The following METRNL variants were observed in gnomAD, a reference collection of about 807,000 sequenced individuals.
METRNL encodes the protein meteorin-like protein.
A neutral mutation model predicts 17.4 loss-of-function variants in METRNL; 9 were observed. That is an observed-to-expected ratio of 0.52 (90% CI 0.31 to 0.90). The LOEUF (loss-of-function observed/expected upper bound fraction) is 0.90, where lower values mean the gene tolerates loss of function less well. Among genes scored for constraint, METRNL ranks in the 40% least tolerant of loss-of-function variants. The pLI is 0.05. For synonymous variants in METRNL, 215 were observed against 199.3 expected (o/e 1.08, Z -0.66); for missense variants, 408 against 430.7 (o/e 0.95, Z 0.47).
chr17:83,091,351 G>A (rs2038134005), intron 2 of METRNL, among the ~76,000 whole-genome samples: 1 of 152,228 alleles, frequency 6.6e-6, no homozygotes, highest in Non-Finnish European at 1.5e-5. Flanking sequence ...GCCCGGCTGG[G>A]AGGCGCCCTC....
At position 83,085,336 on chromosome 17, in the gene METRNL, C is replaced by G; in HGVS notation, c.556+13C>G. On this transcript the variant is annotated intron_variant, in intron 2 of 3. Transcript: ENST00000320095. ...CACGAGCTGTCTGGTGAGTGTCCTG[C>G]CTGGGGCGGGGGCGGCGGGCCTCGT... The G allele has an allele frequency of 6.6e-7, 1 of 1,513,816 alleles. No individual in the cohort carries two copies. The highest frequency in any genetic ancestry group is 1.3e-5 in the South Asian group (1 of 75,138). The allele number at this position is 1,513,816 out of a possible 1,614,324, so 93.8% of individuals were successfully genotyped here.
At position 83,090,591 on chromosome 17, in the gene METRNL, C is replaced by T. The variant is rs990385470; in HGVS notation, c.557-2576C>T. On this transcript the variant is annotated intron_variant, in intron 2 of 3. Coordinates refer to ENST00000320095, the MANE Select transcript of METRNL (RefSeq NM_001004431.3). ...CTCCTGCCTCCTGCCTTTGCAGGAC[C>T]GCCTGGCCCAGCCCCAGCTGCCATG... is the stretch of plus-strand genomic sequence containing the variant. 2.4e-4 allele frequency among the ~76,000 whole-genome samples: 35 copies of T among 147,330 alleles called. 1 individual carries two copies. The highest frequency in any genetic ancestry group is 1.2e-3 in the Admixed American group (18 of 14,754).
In METRNL at chr17:83,094,937, A is replaced by C. The variant is rs547560347; in HGVS notation, c.*362A>C. The C allele has an allele frequency of 1.9e-3, 474 of 244,522 alleles. 4 individuals are homozygous for C. The highest frequency in any genetic ancestry group is 0.01 in the African/African-American group (455 of 45,014). The allele number at this position is 244,522 out of a possible 1,614,324, so 15.1% of individuals were successfully genotyped here. A position where few individuals can be genotyped will look rare whatever the true frequency, so the allele number is the denominator to read the frequency against. On this transcript the variant is annotated 3_prime_UTR_variant, in exon 4 of 4. Transcript: ENST00000320095. ...CGGCATCTGGCCTGCGGTTGGGTGA[A>C]GCACTGGCCGTTGGGCACAGTGGAT... is the stretch of plus-strand genomic sequence containing the variant.
At chr17:83,083,597 G>A (rs1230967158) in intron 1 of METRNL, among the ~76,000 whole-genome samples, 3 of 152,176 alleles carry the variant, frequency 2.0e-5, no homozygotes, top group Admixed American at 6.5e-5. Flanking sequence ...CCTGGCAGCC[G>A]GCTAGGCCTG....
chr17:83,090,952 G>A (rs113318060), intron 2 of METRNL, among the ~76,000 whole-genome samples: 3,768 of 152,278 alleles, frequency 0.025, 61 homozygotes, highest in South Asian at 0.075. Flanking sequence ...GAGTGGGATG[G>A]GGGTCCACAT....
At chr17:83,089,448 C>T (rs1416927810) in intron 2 of METRNL, among the ~76,000 whole-genome samples, 1 of 152,152 alleles carries the variant, frequency 6.6e-6, no homozygotes, top group African/African-American at 2.4e-5. Flanking sequence ...TCAGCCTCTC[C>T]TCGGAACCAG....
chr17:83,086,348 G>A (rs2038052852), intron 2 of METRNL, among the ~76,000 whole-genome samples: 1 of 152,218 alleles, frequency 6.6e-6, no homozygotes, highest in Non-Finnish European at 1.5e-5. Flanking sequence ...GCTGGCCCAT[G>A]AGCTCAGACT....
chr17:83,086,158 G>A (rs2143627242), intron 2 of METRNL, among the ~76,000 whole-genome samples: 1 of 152,370 alleles, frequency 6.6e-6, no homozygotes, highest in Admixed American at 6.5e-5. Context: ...TCCATGGTCT[G>A]TGTGGCCTCG....
At chr17:83,086,867 A>G (rs2038058468) in intron 2 of METRNL, among the ~76,000 whole-genome samples, 1 of 151,754 alleles carries the variant, frequency 6.6e-6, no homozygotes, top group African/African-American at 2.4e-5. Context: ...ACCCTTACGG[A>G]GCCTGTGCCC....
In METRNL at chr17:83,081,445, G is replaced by A. The variant is rs940999236; in HGVS notation, c.170+1460G>A. Reference sequence around the variant, plus strand: ...TCAGGGGACTGTGTGCCCGGTAGGAGGGGGCGCCTCCCGGAGCCCGAAGGG... The same window carrying A: ...TCAGGGGACTGTGTGCCCGGTAGGAAGGGGCGCCTCCCGGAGCCCGAAGGG... On this transcript the variant is annotated intron_variant, in intron 1 of 3. Coordinates refer to ENST00000320095, the MANE Select transcript of METRNL (RefSeq NM_001004431.3). 4.9e-4 allele frequency among the ~76,000 whole-genome samples: 74 copies of A among 152,254 alleles called. 1 individual carries two copies. The highest frequency in any genetic ancestry group is 4.3e-3 in the Admixed American group (65 of 15,280).
At position 83,088,090 on chromosome 17, in the gene METRNL, A is replaced by G. The variant is rs548915921; in HGVS notation, c.556+2767A>G. 1.9e-3 allele frequency among the ~76,000 whole-genome samples: 292 copies of G among 152,272 alleles called. 1 individual carries two copies. The highest frequency in any genetic ancestry group is 6.9e-3 in the African/African-American group (285 of 41,556). ...GGGGGCAGGCTGCTCCTCCAGGGGT[A>G]CACACTGGGGGCCAGGCGGGAGGGG... On this transcript the variant is annotated intron_variant, in intron 2 of 3. Coordinates refer to ENST00000320095, the MANE Select transcript of METRNL (RefSeq NM_001004431.3).
intron 2 of METRNL, among the ~76,000 whole-genome samples, chr17:83,086,446 C>T (rs2038053622): frequency 6.6e-6 from 1 of 152,176 alleles, no homozygotes; most frequent in African/African-American, 2.4e-5. Context: ...AAAACTTTAA[C>T]CACGGCGGCC....
In METRNL at chr17:83,094,901, G is replaced by A. The variant is rs1004024172; in HGVS notation, c.*326G>A. 2 of 286,018 alleles carry A rather than the reference G, an allele frequency of 7.0e-6. No homozygotes were observed. Among genetic ancestry groups the A allele is most frequent in the East Asian group, 1.2e-4 (2 of 17,160 alleles). 17.7% of individuals were successfully genotyped at this position (286,018 alleles called of 1,614,324 possible). A position where few individuals can be genotyped will look rare whatever the true frequency, so the allele number is the denominator to read the frequency against. Reference sequence around the variant, plus strand: ...CCGTCTGATACTGTTCTCTAAAGACGTTAGGAGTCACGGCATCTGGCCTGC... The same window carrying A: ...CCGTCTGATACTGTTCTCTAAAGACATTAGGAGTCACGGCATCTGGCCTGC... On this transcript the variant is annotated 3_prime_UTR_variant, in exon 4 of 4. Coordinates refer to ENST00000320095, the MANE Select transcript of METRNL (RefSeq NM_001004431.3).
chr17:83,094,137 G>C (rs2038172783), intron 3 of METRNL, 119 bp from the exon 4 acceptor site: 3 of 800,642 alleles, frequency 3.7e-6, no homozygotes, highest in Admixed American at 3.2e-5. Flanking sequence ...CTAGATGGCA[G>C]AGTCGGGGGT....
At chr17:83,084,715 A>T in intron 1 of METRNL, 1 of 521,286 alleles carries the variant, frequency 1.9e-6, no homozygotes, top group Non-Finnish European at 3.4e-6. Flanking sequence ...CTCTTGGTGC[A>T]GGTGCACTGG....
intron 2 of METRNL, among the ~76,000 whole-genome samples, chr17:83,086,855 C>T (rs557655029): frequency 2.2e-4 from 34 of 152,212 alleles, no homozygotes; most frequent in African/African-American, 5.3e-4. Context: ...TCAGCTGGGG[C>T]GACCCTTACG....
At chr17:83,084,791 G>T (rs1814392124) in intron 1 of METRNL, 147 bp from the exon 2 acceptor site, 4 of 1,006,972 alleles carry the variant, frequency 4.0e-6, no homozygotes, top group African/African-American at 1.7e-5. Context: ...ACGGGCAGGG[G>T]TCCGTGTGGC....
At chr17:83,087,228 G>A (rs960390654) in intron 2 of METRNL, among the ~76,000 whole-genome samples, 1 of 152,156 alleles carries the variant, frequency 6.6e-6, no homozygotes, top group Non-Finnish European at 1.5e-5. Context: ...GGGTTTCCTT[G>A]TTTACACTTG....
chr17:83,088,433 C>G (rs2143635208), intron 2 of METRNL, among the ~76,000 whole-genome samples: 1 of 152,330 alleles, frequency 6.6e-6, no homozygotes, highest in African/African-American at 2.4e-5. Flanking sequence ...AGGCAGGTCC[C>G]AGGATTCCAG....
Sources: gnomAD v4.1 joint callset for allele counts (sites outside exome capture counted in the v4.1 genomes callset) on GRCh38, gnomAD v4.1.1 for gene constraint, MANE v1.5 for transcripts, NCBI Gene and HGNC (gene_info 2026-07-23, HGNC 2026-07-21) for gene names.